The following PTPN14 variants were observed in gnomAD, a reference collection of about 807,000 sequenced individuals.
The protein encoded by PTPN14 is protein tyrosine phosphatase non-receptor type 14, also known as tyrosine-protein phosphatase non-receptor type 14.
A neutral mutation model predicts 126.8 loss-of-function variants in PTPN14; 53 were observed. The observed-to-expected ratio is 0.42, with a 90% CI of 0.34 to 0.53. The LOEUF (loss-of-function observed/expected upper bound fraction) is 0.53. Ranked by LOEUF, PTPN14 falls within the 20% of genes least tolerant of loss-of-function variation. The pLI, the probability that PTPN14 is intolerant of heterozygous loss-of-function variation, is 0.08. For missense variants in PTPN14, 1,257 were observed against 1,552.9 expected (o/e 0.81, Z 3.20); for synonymous variants, 630 against 599.3 (o/e 1.05, Z -0.75).
At chr1:214,410,331 T>C (rs532406673) in intron 5 of PTPN14, among the ~76,000 whole-genome samples, 23 of 151,866 alleles carry the variant, frequency 1.5e-4, no homozygotes, top group African/African-American at 5.1e-4. Context: ...AGTCTTGCTT[T>C]GTGGCCAGGC....
rs768406459 is a variant in PTPN14 at position 214,391,026 on chromosome 1, G to A, written c.949C>T (p.Pro317Ser). 1.3e-6 allele frequency: 2 copies of A among 1,587,004 alleles called. No homozygotes were observed. The highest frequency in any genetic ancestry group is 2.3e-5 in the South Asian group (2 of 86,636). The change falls in exon 11 of 19, where the codon CCC becomes TCC. Residue 317 changes from proline (P) to serine (S), a missense_variant. This residue lies in a region of PTPN14 where 1,021 missense variants were observed against 1,183.3 expected (regional missense o/e 0.86). Coordinates refer to ENST00000366956, the MANE Select transcript of PTPN14 (RefSeq NM_005401.5). ...CTCCAGGTGGGCTGGCGTCTGATGG[G>A]GGGTGGAGAATTTGACTGTCTACAT... Reference protein sequence around the residue: ...ICTEQSNSPPPIRRQPTWSRS... With the variant: ...ICTEQSNSPPSIRRQPTWSRS...
At chr1:214,447,478 A>G (rs1435076308) in intron 3 of PTPN14, among the ~76,000 whole-genome samples, 2 of 152,162 alleles carry the variant, frequency 1.3e-5, no homozygotes, top group African/African-American at 4.8e-5. Flanking sequence ...GTCTTGCTGA[A>G]TCACACCTGA....
At chr1:214,409,610 G>A (rs954761698) in intron 5 of PTPN14, among the ~76,000 whole-genome samples, 1 of 152,160 alleles carries the variant, frequency 6.6e-6, no homozygotes, top group Non-Finnish European at 1.5e-5. Flanking sequence ...TTATATGGTA[G>A]TTCTATTTTT....
chr1:214,376,658 T>C (rs1192126330), intron 14 of PTPN14, among the ~76,000 whole-genome samples: 1 of 152,222 alleles, frequency 6.6e-6, no homozygotes, highest in African/African-American at 2.4e-5. Context: ...CTGCAAGAAC[T>C]AGCAAGAGTT....
intron 10 of PTPN14, 140 bp from the exon 11 acceptor site, chr1:214,391,185 G>A: frequency 2.2e-6 from 1 of 461,592 alleles, no homozygotes; most frequent in East Asian, 3.4e-5. Context: ...TTTCTGGGTG[G>A]TAACACTAAG....
chr1:214,514,361 T>C (rs998079637), intron 1 of PTPN14, among the ~76,000 whole-genome samples: 2 of 152,138 alleles, frequency 1.3e-5, no homozygotes, highest in African/African-American at 4.8e-5. Flanking sequence ...TACTGATGCA[T>C]AAGAATTGCT....
At chr1:214,549,918 C>G (rs571892310) in intron 1 of PTPN14, among the ~76,000 whole-genome samples, 1 of 152,302 alleles carries the variant, frequency 6.6e-6, no homozygotes, top group South Asian at 2.1e-4. Flanking sequence ...AGCAACACTG[C>G]ACCAACATGG....
At chr1:214,452,732 G>A (rs970551784) in intron 2 of PTPN14, among the ~76,000 whole-genome samples, 10 of 152,082 alleles carry the variant, frequency 6.6e-5, no homozygotes, top group African/African-American at 2.4e-4. Flanking sequence ...ATTAAAACAG[G>A]TACTTTTATG....
chr1:214,357,415 G>C lies in PTPN14; in HGVS notation c.*507C>G, dbSNP rs953799782. 1 of 152,174 alleles carries C rather than the reference G, an allele frequency of 6.6e-6. No individual in the cohort carries two copies. Among genetic ancestry groups the C allele is most frequent in the Non-Finnish European group, 1.5e-5 (1 of 68,064 alleles). 9.4% of individuals were successfully genotyped at this position (152,174 alleles called of 1,614,324 possible). Reference sequence around the variant, plus strand: ...CCCAAAATATAAGAGAATCGTGTTTGTTCCTTCAGACCCTTTTCTTTATAT... The same window carrying C: ...CCCAAAATATAAGAGAATCGTGTTTCTTCCTTCAGACCCTTTTCTTTATAT... On this transcript the variant is annotated 3_prime_UTR_variant, in exon 19 of 19. Transcript: ENST00000366956.
At position 214,357,152 on chromosome 1, in the gene PTPN14, G is replaced by A. The variant is rs1450031519; in HGVS notation, c.*770C>T. 1 of 152,270 alleles carries A rather than the reference G, an allele frequency of 6.6e-6. No individual in the cohort carries two copies. Among genetic ancestry groups the A allele is most frequent in the Non-Finnish European group, 1.5e-5 (1 of 68,108 alleles). 9.4% of individuals were successfully genotyped at this position (152,270 alleles called of 1,614,324 possible). A position where few individuals can be genotyped will look rare whatever the true frequency, so the allele number is the denominator to read the frequency against. ...TACCCAAGGTACAGTCGCCAGCAGG[G>A]AAACACAAGCTCCAGAGCCCAGGAT... On this transcript the variant is annotated 3_prime_UTR_variant, in exon 19 of 19. Transcript: ENST00000366956.
In PTPN14 at chr1:214,372,722, T is replaced by C. The variant is rs775249327; in HGVS notation, c.3025A>G (p.Thr1009Ala). 11 of 1,614,060 alleles carry C rather than the reference T, an allele frequency of 6.8e-6. No homozygotes were observed. Among genetic ancestry groups the C allele is most frequent in the East Asian group, 6.7e-5 (3 of 44,894 alleles). The change falls in exon 16 of 19, where the codon ACT (threonine) becomes GCT (alanine). Residue 1009 changes from threonine (T) to alanine (A), a missense_variant. Around this residue, in one of 3 missense-constraint regions of PTPN14, gnomAD observed 171 missense variants for 229.8 expected, o/e 0.74. Transcript: ENST00000366956. ...EQGVNVIAMV[T>A]AEEEGGRTKS... ...GCCATTCCCCTTACCTCCTCTGCAG[T>C]GACCATGGCAATCACATTCACTCCC...
chr1:214,403,059 T>G, intron 5 of PTPN14, 106 bp from the exon 6 acceptor site: 1 of 1,057,806 alleles, frequency 9.5e-7, no homozygotes, highest in South Asian at 1.4e-5. Flanking sequence ...TTAGTCACAT[T>G]TCCTCAATAT....
At position 214,364,774 on chromosome 1, in the gene PTPN14, T is replaced by A. The variant is rs1379596065; in HGVS notation, c.3272-99A>T. Reference sequence around the variant, plus strand: ...GAAGAGAACTGATGGTGAGTGTGTGTGTGTGTGTGTGTGTGTGTGTGTGTG... The same window carrying A: ...GAAGAGAACTGATGGTGAGTGTGTGAGTGTGTGTGTGTGTGTGTGTGTGTG... On this transcript the variant is annotated intron_variant, in intron 17 of 18. Coordinates refer to ENST00000366956, the MANE Select transcript of PTPN14 (RefSeq NM_005401.5). This position sits in a 1 kb window ranked among gnomAD's most constrained non-coding sequence, Gnocchi z 4.1. 6 of 631,842 alleles carry A rather than the reference T, an allele frequency of 9.5e-6. No individual in the cohort carries two copies. Among genetic ancestry groups the A allele is most frequent in the African/African-American group, 6.6e-5 (3 of 45,528 alleles). The allele number at this position is 631,842 out of a possible 1,614,324, so 39.1% of individuals were successfully genotyped here.
In PTPN14 at chr1:214,431,959, T is replaced by C. The variant is rs182007448; in HGVS notation, c.345-17233A>G. 9.2e-5 allele frequency among the ~76,000 whole-genome samples: 14 copies of C among 152,270 alleles called. No individual in the cohort carries two copies. The East Asian group carries it at 2.3e-3, about 25-fold the overall frequency. On this transcript the variant is annotated intron_variant, in intron 3 of 18. Transcript: ENST00000366956. ...ACTTTGGGAGGCCAAGGCAGAAGGA[T>C]TGCTTGAGCCCAGGAGTTCAAGACC...
rs12044803 is a variant in PTPN14, at chr1:214,538,732, C to A, written c.-155+12451G>T. On this transcript the variant is annotated intron_variant, in intron 1 of 18. Transcript: ENST00000366956. The stretch of plus-strand genomic sequence containing the variant: ...TGCTTGCTTGCTTCTTGGCAGTATT[C>A]TAACTAAGTAAGTGGGGGAGACAGA... Among the ~76,000 whole-genome samples the A allele has an allele frequency of 4.3e-4, 66 of 152,204 alleles. 2 individuals carry two copies. In the East Asian group the frequency reaches 0.013, roughly 30 times the overall value.
chr1:214,407,897 C>T (rs530236777), intron 5 of PTPN14, among the ~76,000 whole-genome samples: 1 of 152,304 alleles, frequency 6.6e-6, no homozygotes, highest in Admixed American at 6.5e-5. Flanking sequence ...TCTAACTCCT[C>T]AGAAGTTTCC....
At position 214,360,751 on chromosome 1, in the gene PTPN14, T is replaced by C. The variant is rs371136745; in HGVS notation, c.3436-2701A>G. 1.7e-3 allele frequency among the ~76,000 whole-genome samples: 266 copies of C among 152,248 alleles called. 11 individuals are homozygous for C. In the South Asian group the frequency reaches 0.05, roughly 29 times the overall value. ...TGTGGGAAGTGGGCACATTACTTCA[T>C]TTACTTATGACTCAGTTTCTCTTCT... On this transcript the variant is annotated intron_variant, in intron 18 of 18. Coordinates refer to ENST00000366956, the MANE Select transcript of PTPN14 (RefSeq NM_005401.5).
chr1:214,359,787 T>C (rs1332648812), intron 18 of PTPN14, among the ~76,000 whole-genome samples: 3 of 152,192 alleles, frequency 2.0e-5, no homozygotes, highest in Non-Finnish European at 2.9e-5. Context: ...TCTAAAAGTC[T>C]TAGCATTATG....
intron 1 of PTPN14, among the ~76,000 whole-genome samples, chr1:214,518,932 T>C (rs1390784247): frequency 6.6e-6 from 1 of 152,198 alleles, no homozygotes; most frequent in Non-Finnish European, 1.5e-5. Context: ...GGCTTTAAAC[T>C]AATTTCCTAG....
Sources: allele counts gnomAD v4.1 joint callset (sites outside exome capture counted in the v4.1 genomes callset), GRCh38; gene constraint gnomAD v4.1.1; regional missense constraint gnomAD v4.1.1; non-coding constraint Gnocchi (gnomAD v3.1); transcripts MANE v1.5; gene names NCBI Gene and HGNC (gene_info 2026-07-23, HGNC 2026-07-21).